The following PHF20 variants were observed in gnomAD, a reference collection of about 807,000 sequenced individuals.
PHF20 encodes PHD finger protein 20.
Under a neutral mutation model 113.5 loss-of-function variants are expected in PHF20, and 23 were observed. The observed-to-expected ratio is 0.20, with a 90% CI of 0.15 to 0.29. The LOEUF is 0.29. Among genes scored for constraint, PHF20 ranks in the 10% least tolerant of loss-of-function variants. The probability of loss-of-function intolerance (pLI) is 1.00; values close to 1 mark genes in which losing one functional copy is unlikely to be tolerated. For missense variants in PHF20, 943 were observed against 1,219.6 expected (o/e 0.77, Z 3.38); for synonymous variants, 434 against 457.3 (o/e 0.95, Z 0.65).
chr20:35,773,007 A>G (rs1418041567), intron 1 of PHF20, among the ~76,000 whole-genome samples: 1 of 152,190 alleles, frequency 6.6e-6, no homozygotes, highest in Non-Finnish European at 1.5e-5. Context: ...AGTTTCACAA[A>G]TAAGGGAATT....
intron 9 of PHF20, among the ~76,000 whole-genome samples, chr20:35,890,467 A>G (rs902786881): frequency 5.3e-5 from 8 of 152,374 alleles, no homozygotes; most frequent in Middle Eastern, 3.4e-3. Context: ...AGATTGTACC[A>G]GTGACACATG....
chr20:35,851,585 C>G (rs1284831969), intron 4 of PHF20, among the ~76,000 whole-genome samples: 1 of 151,688 alleles, frequency 6.6e-6, no homozygotes, highest in East Asian at 1.9e-4. Flanking sequence ...CCAACCCCCA[C>G]CCCGCCCCTT....
intron 14 of PHF20, among the ~76,000 whole-genome samples, chr20:35,928,209 C>T (rs1428526899): frequency 3.3e-5 from 5 of 151,818 alleles, no homozygotes; most frequent in South Asian, 2.1e-4. Flanking sequence ...GAGGCCAAGG[C>T]GGGTGAATCA....
At chr20:35,813,732 C>T (rs2042016663) in intron 2 of PHF20, among the ~76,000 whole-genome samples, 1 of 151,952 alleles carries the variant, frequency 6.6e-6, no homozygotes, top group Admixed American at 6.6e-5. Flanking sequence ...GTGGCACGCA[C>T]TTGTAGTCTC....
At chr20:35,801,236 G>A (rs551835271) in intron 1 of PHF20, among the ~76,000 whole-genome samples, 3 of 152,274 alleles carry the variant, frequency 2.0e-5, no homozygotes, top group African/African-American at 4.8e-5. Flanking sequence ...GTTCTGAGGG[G>A]TGGCCCTTGG....
At chr20:35,859,388 A>G (rs965319815) in intron 5 of PHF20, among the ~76,000 whole-genome samples, 1 of 152,146 alleles carries the variant, frequency 6.6e-6, no homozygotes, top group Non-Finnish European at 1.5e-5. Context: ...CTTTTTAAAA[A>G]TCCTGATTAT....
intron 2 of PHF20, among the ~76,000 whole-genome samples, chr20:35,807,750 A>G (rs1318937804): frequency 1.3e-5 from 2 of 152,188 alleles, no homozygotes; most frequent in Non-Finnish European, 2.9e-5. Context: ...GTTTGAAAAC[A>G]AAAGCAGACT....
intron 1 of PHF20, among the ~76,000 whole-genome samples, chr20:35,789,438 A>AAC (rs1569118921): frequency 1.3e-5 from 2 of 151,862 alleles, no homozygotes; most frequent in Non-Finnish European, 2.9e-5. Flanking sequence ...CAAAAAAAAA[A>AAC]AAAAAACAAA....
At chr20:35,803,026 G>A (rs149929511) in intron 2 of PHF20, among the ~76,000 whole-genome samples, 1 of 151,378 alleles carries the variant, frequency 6.6e-6, no homozygotes, top group African/African-American at 2.4e-5. Flanking sequence ...GGCTGAGGTG[G>A]GCGGATCACG....
chr20:35,920,325 G>A (rs1036256208), intron 13 of PHF20, among the ~76,000 whole-genome samples: 2 of 152,118 alleles, frequency 1.3e-5, no homozygotes, highest in Admixed American at 6.5e-5. Context: ...TTGTCCGGTA[G>A]TATTCCATGC....
At chr20:35,882,392 A>G (rs767080063) in intron 9 of PHF20, among the ~76,000 whole-genome samples, 3 of 152,224 alleles carry the variant, frequency 2.0e-5, no homozygotes, top group Non-Finnish European at 4.4e-5. Context: ...CATTGGGAAC[A>G]TATCAGTAAT....
In PHF20 at chr20:35,801,592, C is replaced by A; in HGVS notation, c.70C>A (p.Arg24Ser). ...EVGAQLEARDRLKNWYPAHIE... is the reference protein window; with the variant it reads ...EVGAQLEARDSLKNWYPAHIE... ...GGGAGCCCAGTTGGAAGCCCGGGAC[C>A]GTTTAAAAAACTGGTACTTTTACAT... The change falls in exon 2 of 18, where the codon CGT becomes AGT. Residue 24 changes from arginine to serine, a missense_variant. Transcript: ENST00000374012. The A allele has an allele frequency of 4.3e-6, 7 of 1,610,738 alleles. No individual in the cohort carries two copies. Among genetic ancestry groups the A allele is most frequent in the South Asian group, 1.1e-5 (1 of 90,868 alleles).
intron 1 of PHF20, among the ~76,000 whole-genome samples, chr20:35,773,464 T>C (rs2041104967): frequency 6.6e-6 from 1 of 152,218 alleles, no homozygotes; most frequent in Non-Finnish European, 1.5e-5. Flanking sequence ...TCTGTGCTTC[T>C]GCGGGCTTTT....
intron 4 of PHF20, among the ~76,000 whole-genome samples, chr20:35,857,413 A>G (rs1006292883): frequency 2.0e-5 from 3 of 152,142 alleles, no homozygotes; most frequent in Non-Finnish European, 4.4e-5. Context: ...TGTAGCAGAA[A>G]AAAACTAACA....
intron 2 of PHF20, among the ~76,000 whole-genome samples, chr20:35,813,158 G>A (rs925930840): frequency 1.3e-5 from 2 of 151,982 alleles, no homozygotes; most frequent in African/African-American, 2.4e-5. Context: ...TTTTAGTAGA[G>A]ACTGGGTTTC....
intron 13 of PHF20, among the ~76,000 whole-genome samples, chr20:35,917,911 C>G (rs1048616955): frequency 6.6e-6 from 1 of 152,108 alleles, no homozygotes; most frequent in Admixed American, 6.5e-5. Flanking sequence ...CTTGAGGCAG[C>G]TGGGACCCGC....
intron 9 of PHF20, chr20:35,887,706 A>G (rs2054761012): frequency 6.6e-6 from 1 of 152,078 alleles, no homozygotes; most frequent in Non-Finnish European, 1.5e-5. Context: ...TATCTGAGGC[A>G]TGATTATTAA....
intron 17 of PHF20, among the ~76,000 whole-genome samples, chr20:35,943,748 G>A (rs1257061679): frequency 2.0e-5 from 3 of 151,514 alleles, no homozygotes; most frequent in African/African-American, 4.9e-5. Flanking sequence ...AGCCTCCCGA[G>A]TAGCTGGGAT....
rs577594107 is a variant in PHF20 at position 35,783,573 on chromosome 20, C to T, written c.-33+11494C>T. ...TTGGGACTACAGGTGTATGCCACCG[C>T]GCTTGGCTAATTTTTTTTTTTTTTT... On this transcript the variant is annotated intron_variant, in intron 1 of 17. Coordinates refer to ENST00000374012, the MANE Select transcript of PHF20 (RefSeq NM_016436.5). 9.3e-5 allele frequency among the ~76,000 whole-genome samples: 14 copies of T among 151,256 alleles called. No homozygotes were observed. In the East Asian group the frequency reaches 1.6e-3, roughly 17 times the overall value.
Sources: gnomAD v4.1 joint callset for allele counts (sites outside exome capture counted in the v4.1 genomes callset) on GRCh38, gnomAD v4.1.1 for gene constraint, MANE v1.5 for transcripts, NCBI Gene and HGNC (gene_info 2026-07-23, HGNC 2026-07-21) for gene names.